The following SPRED1 variants were observed in gnomAD, a reference collection of about 807,000 sequenced individuals.
The protein encoded by SPRED1 is sprouty related EVH1 domain containing 1.
SPRED1 carries 18 observed loss-of-function variants against 52.3 expected under a neutral mutation model. The observed-to-expected ratio is 0.34, with a 90% CI of 0.24 to 0.51. The LOEUF is 0.51. SPRED1 is among the 20% of genes least tolerant of loss of function. The pLI is 0.97. For missense variants in SPRED1, 485 were observed against 551.0 expected (o/e 0.88, Z 1.20); for synonymous variants, 155 against 179.7 (o/e 0.86, Z 1.10).
intron 1 of SPRED1, among the ~76,000 whole-genome samples, chr15:38,265,886 G>A (rs1894298774): frequency 6.6e-6 from 1 of 152,080 alleles, no homozygotes; most frequent in African/African-American, 2.4e-5. Context: ...GTTATTAAAG[G>A]TTTAGAATTT....
At chr15:38,329,145 C>T (rs1895763893) in intron 4 of SPRED1, among the ~76,000 whole-genome samples, 1 of 152,074 alleles carries the variant, frequency 6.6e-6, no homozygotes, top group Non-Finnish European at 1.5e-5. Flanking sequence ...GAGAACAAAA[C>T]CCACAAAACT....
intron 5 of SPRED1, among the ~76,000 whole-genome samples, chr15:38,343,239 G>A (rs1329720723): frequency 1.3e-5 from 2 of 152,094 alleles, no homozygotes; most frequent in African/African-American, 2.4e-5. Flanking sequence ...AGGAAACAAA[G>A]ATGATGTTTG....
intron 5 of SPRED1, among the ~76,000 whole-genome samples, chr15:38,341,450 G>A (rs906705799): frequency 6.7e-6 from 1 of 149,856 alleles, no homozygotes; most frequent in Non-Finnish European, 1.5e-5. Context: ...ATGTATTTAA[G>A]GCTATAAATT....
Position 38,355,649 on chromosome 15 carries a change from G to A in SPRED1, c.*3985G>A, listed in dbSNP as rs1888602203. 1 of 152,164 alleles carries A rather than the reference G, an allele frequency of 6.6e-6. No individual in the cohort carries two copies. Among genetic ancestry groups the A allele is most frequent in the Non-Finnish European group, 1.5e-5 (1 of 68,038 alleles). 9.4% of individuals were successfully genotyped at this position (152,164 alleles called of 1,614,324 possible). A position where few individuals can be genotyped will look rare whatever the true frequency, so the allele number is the denominator to read the frequency against. On this transcript the variant is annotated 3_prime_UTR_variant, in exon 7 of 7. Coordinates refer to ENST00000299084, the MANE Select transcript of SPRED1 (RefSeq NM_152594.3). ...GGGTTTTTAATTGTAGCCCAAAGGT[G>A]CATTAAGCAAGTGTAACATTTTTTC...
intron 1 of SPRED1, among the ~76,000 whole-genome samples, chr15:38,260,251 C>T (rs1438913034): frequency 6.6e-6 from 1 of 152,222 alleles, no homozygotes; most frequent in African/African-American, 2.4e-5. Flanking sequence ...CTTTTGTCTT[C>T]CTTGCTTCTG....
intron 1 of SPRED1, among the ~76,000 whole-genome samples, chr15:38,274,048 A>G (rs1383540768): frequency 6.6e-6 from 1 of 152,200 alleles, no homozygotes; most frequent in African/African-American, 2.4e-5. Flanking sequence ...TGTGGCCATT[A>G]TTGGTAATTA....
chr15:38,351,985 G>C lies in SPRED1; in HGVS notation c.*321G>C. 2.8e-6 allele frequency: 1 copy of C among 356,706 alleles called. No homozygotes were observed. The highest frequency in any genetic ancestry group is 5.2e-6 in the Non-Finnish European group (1 of 193,776). 22.1% of individuals were successfully genotyped at this position (356,706 alleles called of 1,614,324 possible). On this transcript the variant is annotated 3_prime_UTR_variant, in exon 7 of 7. Transcript: ENST00000299084. ...GCATTTTTGTATATTTATGCATTAGGTGATGGGACTTTTAAAGGTTTGAAT... is the reference window on the plus strand; with the variant it reads ...GCATTTTTGTATATTTATGCATTAGCTGATGGGACTTTTAAAGGTTTGAAT...
intron 3 of SPRED1, among the ~76,000 whole-genome samples, chr15:38,323,265 A>G (rs1459689401): frequency 6.6e-6 from 1 of 152,140 alleles, no homozygotes; most frequent in African/African-American, 2.4e-5. Context: ...AGTGCATAAA[A>G]CTGTAGTTAA....
At chr15:38,310,978 T>C (rs1895355335) in intron 2 of SPRED1, among the ~76,000 whole-genome samples, 2 of 152,228 alleles carry the variant, frequency 1.3e-5, no homozygotes, top group South Asian at 4.1e-4. Context: ...GAACCTCCAA[T>C]TCTATATGGA....
chr15:38,302,885 C>CA, intron 2 of SPRED1, among the ~76,000 whole-genome samples: 1 of 152,088 alleles, frequency 6.6e-6, no homozygotes, highest in Non-Finnish European at 1.5e-5. Flanking sequence ...AAGTCTTGGC[C>CA]GGGCGTGGTG....
chr15:38,322,484 C>A, intron 3 of SPRED1, 75 bp downstream of exon 3: 1 of 1,524,664 alleles, frequency 6.6e-7, no homozygotes, highest in Non-Finnish European at 9.0e-7. Context: ...TAAAGTTGAC[C>A]CAAAGTAGTT....
chr15:38,327,189 A>G lies in SPRED1; in HGVS notation c.423+2380A>G, dbSNP rs1046257388. ...TACCTGCACCTGTTTAGAAGACAAC[A>G]TCCTAGCTTTGAAGATGTTCCTGTA... On this transcript the variant is annotated intron_variant, in intron 4 of 6. Coordinates refer to ENST00000299084, the MANE Select transcript of SPRED1 (RefSeq NM_152594.3). Among the ~76,000 whole-genome samples, 7 of 152,330 alleles carry G rather than the reference A, an allele frequency of 4.6e-5. No homozygotes were observed. The South Asian group carries it at 8.3e-4, about 18-fold the overall frequency.
At chr15:38,311,686 G>A (rs538562250) in intron 2 of SPRED1, among the ~76,000 whole-genome samples, 25 of 152,068 alleles carry the variant, frequency 1.6e-4, no homozygotes, top group Admixed American at 3.3e-4. Flanking sequence ...TTTCTTTTAA[G>A]TTGTCTAACT....
At chr15:38,348,746 C>T (rs1219736480) in intron 5 of SPRED1, among the ~76,000 whole-genome samples, 1 of 151,934 alleles carries the variant, frequency 6.6e-6, no homozygotes, top group Admixed American at 6.6e-5. Context: ...TAACATTATT[C>T]TCTCCTTTTA....
At chr15:38,300,717 T>C (rs1895134660) in intron 2 of SPRED1, among the ~76,000 whole-genome samples, 1 of 152,132 alleles carries the variant, frequency 6.6e-6, no homozygotes, top group Non-Finnish European at 1.5e-5. Flanking sequence ...TATGTTTAAG[T>C]AGAGAACCCC....
chr15:38,314,880 G>A (rs1394109712), intron 2 of SPRED1, among the ~76,000 whole-genome samples: 9 of 150,776 alleles, frequency 6.0e-5, no homozygotes, highest in Admixed American at 6.0e-4. Flanking sequence ...CCTTCCTTTT[G>A]TGGTAGCTGA....
At chr15:38,277,911 T>C (rs1566852435) in intron 1 of SPRED1, among the ~76,000 whole-genome samples, 1 of 150,910 alleles carries the variant, frequency 6.6e-6, no homozygotes, top group Non-Finnish European at 1.5e-5. Context: ...TGTATGTCTT[T>C]TTTTTTTTAA....
Position 38,254,126 on chromosome 15 carries a change from C to T in SPRED1, c.32+909C>T, listed in dbSNP as rs1055261997. On this transcript the variant is annotated intron_variant, in intron 1 of 6. Transcript: ENST00000299084. ...TTTTCTATTGAGAAGGGATTTAATT[C>T]CAAGCAGAATATTAGCATCCGTTTT... Among the ~76,000 whole-genome samples the T allele has an allele frequency of 3.3e-5, 5 of 152,102 alleles. No homozygotes were observed. In the South Asian group the frequency reaches 1.0e-3, roughly 32 times the overall value.
intron 4 of SPRED1, among the ~76,000 whole-genome samples, chr15:38,328,720 G>C (rs1445714597): frequency 6.6e-6 from 1 of 151,872 alleles, no homozygotes; most frequent in South Asian, 2.1e-4. Context: ...AGAGCTTTTG[G>C]TTTTTTTGTT....
Sources: allele counts gnomAD v4.1 joint callset (sites outside exome capture counted in the v4.1 genomes callset), GRCh38; gene constraint gnomAD v4.1.1; transcripts MANE v1.5; gene names NCBI Gene and HGNC (gene_info 2026-07-23, HGNC 2026-07-21).